The following TBL2 variants were observed in gnomAD, a reference collection of about 807,000 sequenced individuals.
The protein encoded by TBL2 is transducin beta-like protein 2.
Under a neutral mutation model 41.8 loss-of-function variants are expected in TBL2, and 33 were observed. The observed-to-expected ratio is 0.79, with a 90% confidence interval of 0.60 to 1.06. TBL2 has a LOEUF of 1.06. Among genes scored for constraint, TBL2 ranks in the 50% least tolerant of loss-of-function variants. The pLI is 0.00. For missense variants in TBL2, 522 were observed against 603.8 expected (o/e 0.86, Z 1.42); for synonymous variants, 239 against 241.7 (o/e 0.99, Z 0.10).
intron 1 of TBL2, 180 bp downstream of exon 1, chr7:73,578,240 C>T: frequency 2.0e-6 from 3 of 1,531,124 alleles, no homozygotes; most frequent in Non-Finnish European, 2.6e-6. Context: ...AGGAGGTGCG[C>T]CTAACCCGGC....
chr7:73,572,758 C>G, intron 5 of TBL2, 86 bp downstream of exon 5: 2 of 1,587,448 alleles, frequency 1.3e-6, no homozygotes, highest in South Asian at 1.1e-5. Context: ...GCTCTTCCCA[C>G]GCGATGAAGC....
At chr7:73,573,494 T>C (rs1554588221) in intron 3 of TBL2, 23 bp from the exon 4 acceptor site, 2 of 1,613,288 alleles carry the variant, frequency 1.2e-6, no homozygotes, top group Admixed American at 3.3e-5. Context: ...AGCAGACAAG[T>C]CACGCTCTCA....
chr7:73,572,498 A>G (rs1300942440), intron 5 of TBL2, among the ~76,000 whole-genome samples: 3 of 152,186 alleles, frequency 2.0e-5, no homozygotes, highest in Non-Finnish European at 2.9e-5. Flanking sequence ...GCACATGCCT[A>G]TAGTCCTGAC....
intron 1 of TBL2, among the ~76,000 whole-genome samples, chr7:73,575,364 C>T (rs1368797072): frequency 1.3e-5 from 2 of 151,658 alleles, no homozygotes; most frequent in African/African-American, 4.8e-5. Flanking sequence ...GATCTCAGCT[C>T]ACTGCAAGCT....
chr7:73,575,134 C>A (rs1485777110), intron 1 of TBL2, among the ~76,000 whole-genome samples: 1 of 150,420 alleles, frequency 6.6e-6, no homozygotes, highest in African/African-American at 2.4e-5. Context: ...TTCTTTCTTT[C>A]TTTTTTTTGG....
intron 6 of TBL2, 28 bp downstream of exon 6, chr7:73,571,161 G>T: frequency 6.2e-7 from 1 of 1,613,766 alleles, no homozygotes; most frequent in Non-Finnish European, 8.5e-7. Context: ...AAGAGCCACT[G>T]GTCAGACATC....
At position 73,570,894 on chromosome 7, in the gene TBL2, G is replaced by A. The variant is rs2115924845; in HGVS notation, c.957C>T (p.Tyr319=). 6.2e-7 allele frequency: 1 copy of A among 1,613,902 alleles called. No homozygotes were observed. The highest frequency in any genetic ancestry group is 8.5e-7 in the Non-Finnish European group (1 of 1,180,006). The change falls in exon 7 of 7, where the codon TAC becomes TAT. Residue 319 remains tyrosine (Y), a synonymous_variant. Transcript: ENST00000305632. The stretch of plus-strand genomic sequence containing the variant: ...CTTCAAAGCGGCCTGTCTTCAGCAA[G>A]TAGGGGTCCTGCTTCTTCTTGTATT... The part of the protein sequence containing the change: ...DVEYKKKQDP[Y]LLKTGRFEEA...
intron 1 of TBL2, chr7:73,576,884 C>T (rs1793356298): frequency 2.8e-6 from 1 of 362,442 alleles, no homozygotes; most frequent in Non-Finnish European, 5.5e-6. Flanking sequence ...TCTTCTAGAA[C>T]CATCCTTTGA....
rs993649994 is a variant in TBL2, at chr7:73,572,912, A to G, written c.657T>C (p.Gly219=). Residue 219 remains glycine, a synonymous_variant, in exon 5 of 7, where the codon GGT becomes GGC. Transcript: ENST00000305632. ...DTTVLIWSLK[G]QVLSTINTNQ... ...TGGTGTTGATGGTAGACAGCACTTGACCCTTCAGGCTCCAGATGAGGACAG... is the reference window on the plus strand; with the variant it reads ...TGGTGTTGATGGTAGACAGCACTTGGCCCTTCAGGCTCCAGATGAGGACAG... 1.8e-5 allele frequency: 29 copies of G among 1,613,916 alleles called. No individual in the cohort carries two copies. The East Asian group carries it at 6.5e-4, about 36-fold the overall frequency.
At chr7:73,578,200 A>C in intron 1 of TBL2, 1 of 1,502,160 alleles carries the variant, frequency 6.7e-7, no homozygotes, top group Non-Finnish European at 8.9e-7. Flanking sequence ...AGCCGCAGTA[A>C]GGGGCCCAGG....
At chr7:73,573,058 G>C (rs531749447) in intron 4 of TBL2, 88 bp from the exon 5 acceptor site, 1 of 1,570,440 alleles carries the variant, frequency 6.4e-7, no homozygotes, top group African/African-American at 1.3e-5. Context: ...TCTGCTGCCC[G>C]AAGTATACAT....
At position 73,568,521 on chromosome 7, in the gene TBL2, G is replaced by A. The variant is rs1792735925; in HGVS notation, c.*1986C>T. Among the ~76,000 whole-genome samples the A allele has an allele frequency of 6.6e-6, 1 of 152,068 alleles. No individual in the cohort carries two copies. Among genetic ancestry groups the A allele is most frequent in the Non-Finnish European group, 1.5e-5 (1 of 68,018 alleles). On this transcript the variant is annotated 3_prime_UTR_variant, in exon 7 of 7. Coordinates refer to ENST00000305632, the MANE Select transcript of TBL2 (RefSeq NM_012453.4). ...CCACCTTCTACTGCCTTACACCCAG[G>A]TAACTGACCCTTCACACATTTACGG...
rs148602652 is a variant in TBL2 at position 73,572,896 on chromosome 7, T to C, written c.673A>G (p.Ile225Val). The change falls in exon 5 of 7, where the codon ATC becomes GTC. Residue 225 changes from isoleucine to valine, a missense_variant. Physicochemically the swap from Ile to Val is conservative, Grantham distance 29 (BLOSUM62 3). Coordinates refer to ENST00000305632, the MANE Select transcript of TBL2 (RefSeq NM_012453.4). Reference protein sequence around the residue: ...WSLKGQVLSTINTNQMNNTHA... With the variant: ...WSLKGQVLSTVNTNQMNNTHA... ...GTGTTGTTCATCTGGTTGGTGTTGA[T>C]GGTAGACAGCACTTGACCCTTCAGG... 159 of 1,614,052 alleles carry C rather than the reference T, an allele frequency of 9.9e-5. No individual in the cohort carries two copies. Among genetic ancestry groups the C allele is most frequent in the Non-Finnish European group, 1.3e-4 (152 of 1,180,024 alleles).
In TBL2 at chr7:73,569,348, T is replaced by C. The variant is rs1256211514; in HGVS notation, c.*1159A>G. Reference sequence around the variant, plus strand: ...GGTCAGGGGCAACCAGGGGGGGTCATAGTTTTCGTGAGAGAGATCAAGAGT... The same window carrying C: ...GGTCAGGGGCAACCAGGGGGGGTCACAGTTTTCGTGAGAGAGATCAAGAGT... On this transcript the variant is annotated 3_prime_UTR_variant, in exon 7 of 7. Transcript: ENST00000305632. The C allele has an allele frequency of 3.3e-5, 5 of 152,168 alleles. No individual in the cohort carries two copies. The highest frequency in any genetic ancestry group is 7.2e-5 in the African/African-American group (3 of 41,438). 9.4% of individuals were successfully genotyped at this position (152,168 alleles called of 1,614,324 possible). A position where few individuals can be genotyped will look rare whatever the true frequency, so the allele number is the denominator to read the frequency against.
rs1474199119 is a variant in TBL2 at position 73,570,782 on chromosome 7, A to G, written c.1069T>C (p.Tyr357His). 3 of 1,614,160 alleles carry G rather than the reference A, an allele frequency of 1.9e-6. No individual in the cohort carries two copies. In the East Asian group the frequency reaches 6.7e-5, roughly 36 times the overall value. The change falls in exon 7 of 7, where the codon TAC (tyrosine) becomes CAC (histidine). Residue 357 changes from tyrosine to histidine, a missense_variant. Physicochemically the swap from Tyr to His is moderately conservative, Grantham distance 83. Coordinates refer to ENST00000305632, the MANE Select transcript of TBL2 (RefSeq NM_012453.4). ...ALASGSSIHL[Y>H]NTRRGEKEEC... ...TCCTTCTCGCCCCGCCGGGTATTGT[A>G]GAGATGAATACTACTGCCACTGGCC...
chr7:73,569,535 G>A lies in TBL2; in HGVS notation c.*972C>T, dbSNP rs1554586859. 6.6e-6 allele frequency: 1 copy of A among 152,264 alleles called. No homozygotes were observed. Among genetic ancestry groups the A allele is most frequent in the East Asian group, 1.9e-4 (1 of 5,186 alleles). 9.4% of individuals were successfully genotyped at this position (152,264 alleles called of 1,614,324 possible). A position where few individuals can be genotyped will look rare whatever the true frequency, so the allele number is the denominator to read the frequency against. ...TTCAACTTCAATACCCATTGCCTCTGTCCTGCTCTGGTCCTCTCTTGCCTT... is the reference window on the plus strand; with the variant it reads ...TTCAACTTCAATACCCATTGCCTCTATCCTGCTCTGGTCCTCTCTTGCCTT... On this transcript the variant is annotated 3_prime_UTR_variant, in exon 7 of 7. Transcript: ENST00000305632.
At chr7:73,575,292 ATTTTT>A (rs781957714) in intron 1 of TBL2, among the ~76,000 whole-genome samples, 4 of 101,638 alleles carry the variant, frequency 3.9e-5, no homozygotes, top group African/African-American at 7.6e-5. Context: ...TATCCAGCTA[ATTTTT>A]TTTTTTTTTT....
intron 1 of TBL2, among the ~76,000 whole-genome samples, chr7:73,577,079 G>A (rs1793366771): frequency 6.6e-6 from 1 of 151,896 alleles, no homozygotes; most frequent in Admixed American, 6.6e-5. Context: ...CTAACACAGT[G>A]AAACCCCGTC....
intron 1 of TBL2, chr7:73,574,949 A>G (rs1793208924): frequency 3.2e-6 from 1 of 311,106 alleles, no homozygotes; most frequent in Non-Finnish European, 6.4e-6. Context: ...TGTAGAGTGG[A>G]AAAGGCGCAC....
Sources: gnomAD v4.1 joint callset for allele counts (sites outside exome capture counted in the v4.1 genomes callset) on GRCh38, gnomAD v4.1.1 for gene constraint, MANE v1.5 for transcripts, NCBI Gene and HGNC (gene_info 2026-07-23, HGNC 2026-07-21) for gene names.